LRRC4C: variants seen among roughly 807,000 people sequenced by gnomAD.
LRRC4C encodes the protein leucine-rich repeat-containing protein 4C.
Under a neutral mutation model 33.6 loss-of-function variants are expected in LRRC4C, and 5 were observed. The ratio of observed to expected loss-of-function variants is 0.15; its 90% CI spans 0.08 to 0.31. LRRC4C has a LOEUF of 0.31. Among genes scored for constraint, LRRC4C ranks in the 10% least tolerant of loss-of-function variants. The pLI is 1.00. For missense variants in LRRC4C, 560 were observed against 796.7 expected (o/e 0.70, Z 3.58); for synonymous variants, 329 against 302.0 (o/e 1.09, Z -0.93).
chr11:40,239,450 T>C (rs1323474210), intron 5 of LRRC4C, among the ~76,000 whole-genome samples: 2 of 152,224 alleles, frequency 1.3e-5, no homozygotes, highest in African/African-American at 4.8e-5. Flanking sequence ...GGCTTCTTCC[T>C]GTTCATACTT....
chr11:40,349,312 T>A lies in LRRC4C; in HGVS notation c.-269-29591A>T, dbSNP rs924755756. The stretch of plus-strand genomic sequence containing the variant: ...TAGCAGCCACAAATGGGTGAGAATA[T>A]GCAAAAGTTTGTCTTTCCGTGTCAG... On this transcript the variant is annotated intron_variant, in intron 3 of 6. Transcript: ENST00000528697. Among the ~76,000 whole-genome samples the A allele has an allele frequency of 2.0e-5, 3 of 152,160 alleles. No individual in the cohort carries two copies. The South Asian group carries it at 6.2e-4, about 31-fold the overall frequency.
intron 2 of LRRC4C, among the ~76,000 whole-genome samples, chr11:40,731,809 A>C (rs1181129708): frequency 1.3e-5 from 2 of 152,190 alleles, no homozygotes; most frequent in Admixed American, 1.3e-4. Flanking sequence ...AGTTAACAAA[A>C]GTAAACAGCT....
At chr11:41,316,165 A>C (rs951885164) in intron 1 of LRRC4C, among the ~76,000 whole-genome samples, 4 of 150,546 alleles carry the variant, frequency 2.7e-5, no homozygotes, top group Non-Finnish European at 5.9e-5. Flanking sequence ...TCTTTTTTAC[A>C]ATGAGAATGA....
At chr11:40,924,294 T>C (rs373760190) in intron 2 of LRRC4C, among the ~76,000 whole-genome samples, 1 of 152,180 alleles carries the variant, frequency 6.6e-6, no homozygotes, top group East Asian at 1.9e-4. Flanking sequence ...ACTTTGGCTA[T>C]GAGGCAGGAG....
intron 5 of LRRC4C, among the ~76,000 whole-genome samples, chr11:40,165,836 T>G (rs1395110277): frequency 6.6e-6 from 1 of 151,890 alleles, no homozygotes; most frequent in Admixed American, 6.6e-5. Context: ...TCCCAGCTAC[T>G]GGGGAGGCTG....
At chr11:40,588,915 A>G (rs1958896783) in intron 3 of LRRC4C, among the ~76,000 whole-genome samples, 1 of 151,928 alleles carries the variant, frequency 6.6e-6, no homozygotes, top group African/African-American at 2.4e-5. Context: ...TCAATTTTGG[A>G]ATAGGTGTGG....
At position 40,935,484 on chromosome 11, in the gene LRRC4C, C is replaced by G. The variant is rs145457762; in HGVS notation, c.-495-1761G>C. The stretch of plus-strand genomic sequence containing the variant: ...ATAAGATTATAATGTCATATTTTCA[C>G]TGTACCCTTTCTATGTTTAGGTATT... On this transcript the variant is annotated intron_variant, in intron 1 of 6. Transcript: ENST00000528697. 7.4e-3 allele frequency among the ~76,000 whole-genome samples: 1,122 copies of G among 152,230 alleles called. 7 individuals are homozygous for G. The highest frequency in any genetic ancestry group is 0.034 in the Middle Eastern group (10 of 294).
At chr11:40,882,422 C>A (rs565991572) in intron 2 of LRRC4C, among the ~76,000 whole-genome samples, 6 of 152,214 alleles carry the variant, frequency 3.9e-5, no homozygotes. Flanking sequence ...CTACCTACGG[C>A]CTGTGGGATA....
intron 2 of LRRC4C, among the ~76,000 whole-genome samples, chr11:40,839,860 A>C (rs1952837230): frequency 6.6e-6 from 1 of 152,210 alleles, no homozygotes; most frequent in South Asian, 2.1e-4. Context: ...CATAAAAAAT[A>C]ATTTCAATCC....
intron 2 of LRRC4C, among the ~76,000 whole-genome samples, chr11:40,729,083 T>C (rs1408049399): frequency 6.6e-6 from 1 of 152,136 alleles, no homozygotes; most frequent in Admixed American, 6.5e-5. Flanking sequence ...CTCAGCATCA[T>C]GCAATATACC....
intron 1 of LRRC4C, among the ~76,000 whole-genome samples, chr11:41,128,905 C>A (rs1040974438): frequency 6.6e-6 from 1 of 151,784 alleles, no homozygotes; most frequent in Non-Finnish European, 1.5e-5. Flanking sequence ...ATTTGATTAC[C>A]ACACTTGTTT....
intron 1 of LRRC4C, among the ~76,000 whole-genome samples, chr11:41,357,603 C>G (rs1379885944): frequency 6.6e-6 from 1 of 152,018 alleles, no homozygotes; most frequent in East Asian, 1.9e-4. Context: ...CGTCCTTGTT[C>G]TGGTGTTCCT....
intron 1 of LRRC4C, among the ~76,000 whole-genome samples, chr11:41,248,621 T>C (rs1272994572): frequency 6.6e-6 from 1 of 152,142 alleles, no homozygotes; most frequent in Admixed American, 6.5e-5. Flanking sequence ...CACCCACAGA[T>C]CTATAATCTT....
At chr11:40,558,249 A>G (rs985265780) in intron 3 of LRRC4C, among the ~76,000 whole-genome samples, 3 of 152,256 alleles carry the variant, frequency 2.0e-5, no homozygotes, top group African/African-American at 7.2e-5. Flanking sequence ...ACAAGTTCTT[A>G]AAACATTCAA....
At chr11:40,199,359 C>T (rs1359360149) in intron 5 of LRRC4C, among the ~76,000 whole-genome samples, 4 of 152,312 alleles carry the variant, frequency 2.6e-5, no homozygotes, top group Non-Finnish European at 4.4e-5. Flanking sequence ...TAGTGAACCA[C>T]TGCGCCCAGC....
chr11:40,357,445 G>T (rs904221573), intron 3 of LRRC4C, among the ~76,000 whole-genome samples: 1 of 152,046 alleles, frequency 6.6e-6, no homozygotes, highest in Non-Finnish European at 1.5e-5. Context: ...GGTTCATTTA[G>T]CCTTTCACTT....
chr11:40,153,249 A>T (rs75043930), intron 5 of LRRC4C, among the ~76,000 whole-genome samples: 2,933 of 152,284 alleles, frequency 0.019, 42 homozygotes, highest in Non-Finnish European at 0.029. Context: ...GGGGAGTACT[A>T]TATCAAGGGA....
At chr11:40,730,921 TGGCTGTAGGGCCTGGTGGGA>T (rs1263522249) in intron 2 of LRRC4C, among the ~76,000 whole-genome samples, 2 of 152,222 alleles carry the variant, frequency 1.3e-5, no homozygotes. Flanking sequence ...TCCCCAGTGT[TGGCTGTAGGGCCTGGTGGGA>T]GGTGTTTGTC....
At chr11:40,197,157 G>T (rs962287500) in intron 5 of LRRC4C, among the ~76,000 whole-genome samples, 14 of 152,112 alleles carry the variant, frequency 9.2e-5, no homozygotes, top group African/African-American at 3.4e-4. Context: ...GTTTATTTCT[G>T]CTGGAAAAAT....
Sources: gnomAD v4.1 joint callset for allele counts (sites outside exome capture counted in the v4.1 genomes callset) on GRCh38, gnomAD v4.1.1 for gene constraint, MANE v1.5 for transcripts, NCBI Gene and HGNC (gene_info 2026-07-23, HGNC 2026-07-21) for gene names.